The following KCNN2 variants were observed in gnomAD, a reference collection of about 807,000 sequenced individuals.
KCNN2 encodes small conductance calcium-activated potassium channel protein 2.
KCNN2 carries 24 observed loss-of-function variants against 55.5 expected under a neutral mutation model. That is an observed-to-expected ratio of 0.43 (90% CI 0.31 to 0.61). KCNN2 has a LOEUF of 0.61. Ranked by LOEUF, KCNN2 falls within the 20% of genes least tolerant of loss-of-function variation. KCNN2 has a pLI of 0.08. For missense variants in KCNN2, 754 were observed against 853.6 expected, an observed-to-expected ratio of 0.88 and a Z score of 1.45; for synonymous variants, 431 against 336.1, an observed-to-expected ratio of 1.28 and a Z score of -3.09.
At chr5:114,300,033 T>C (rs1338023436) in intron 2 of KCNN2, among the ~76,000 whole-genome samples, 1 of 152,072 alleles carries the variant, frequency 6.6e-6, no homozygotes, top group Non-Finnish European at 1.5e-5. Flanking sequence ...AATGGTGTTT[T>C]TTTTTCCACT....
intron 3 of KCNN2, among the ~76,000 whole-genome samples, chr5:114,440,649 T>C (rs1181380110): frequency 7.8e-6 from 1 of 128,792 alleles, no homozygotes; most frequent in Non-Finnish European, 1.6e-5. Flanking sequence ...CTTCTAAGGG[T>C]CATGTACCTG....
chr5:114,197,753 C>T (rs1010504962), intron 1 of KCNN2, among the ~76,000 whole-genome samples: 7 of 152,080 alleles, frequency 4.6e-5, no homozygotes, highest in Non-Finnish European at 8.8e-5. Context: ...TTCAAACGGG[C>T]TGCTGAAGGA....
chr5:114,159,991 GTC>G (rs1396545067), intron 1 of KCNN2, among the ~76,000 whole-genome samples: 2 of 152,066 alleles, frequency 1.3e-5, no homozygotes, highest in Non-Finnish European at 2.9e-5. Flanking sequence ...GGTTTTTTGT[GTC>G]TCTGTTTCCT....
chr5:114,281,171 T>G (rs1342301785), intron 2 of KCNN2, among the ~76,000 whole-genome samples: 1 of 152,186 alleles, frequency 6.6e-6, no homozygotes, highest in African/African-American at 2.4e-5. Context: ...CTTAACATTA[T>G]ATTGTATAAT....
intron 1 of KCNN2, among the ~76,000 whole-genome samples, chr5:114,188,941 G>T (rs926406195): frequency 6.6e-6 from 1 of 152,114 alleles, no homozygotes; most frequent in Non-Finnish European, 1.5e-5. Context: ...AATTTGAAAA[G>T]TTGATTCCAA....
chr5:114,445,362 G>A (rs916054821), intron 3 of KCNN2, among the ~76,000 whole-genome samples: 1 of 152,268 alleles, frequency 6.6e-6, no homozygotes, highest in South Asian at 2.1e-4. Context: ...AATTGTAGAT[G>A]TCAACATTTT....
rs548267928 is a variant in KCNN2 at position 114,475,709 on chromosome 5, G to A, written c.1890+2545G>A. ...CTTCCTGCTTGGCAGAAAAATGCAC[G>A]TGTGCTTGTGCTCATGGGTCCCCTA... is the stretch of plus-strand genomic sequence containing the variant. On this transcript the variant is annotated intron_variant, in intron 5 of 7. Coordinates refer to ENST00000673685, the MANE Select transcript of KCNN2 (RefSeq NM_021614.4). Among the ~76,000 whole-genome samples the A allele has an allele frequency of 3.3e-5, 5 of 152,088 alleles. No individual in the cohort carries two copies. The South Asian group carries it at 6.2e-4, about 19-fold the overall frequency.
At chr5:114,403,192 A>G (rs192122734) in intron 2 of KCNN2, among the ~76,000 whole-genome samples, 4 of 152,320 alleles carry the variant, frequency 2.6e-5, no homozygotes, top group African/African-American at 7.2e-5. Flanking sequence ...GGACTTTGCC[A>G]CACAGCTTTT....
Position 114,118,741 on chromosome 5 carries a change from C to G in KCNN2, c.-271+62241C>G, listed in dbSNP as rs182800859. 5.0e-3 allele frequency among the ~76,000 whole-genome samples: 757 copies of G among 152,206 alleles called. 9 individuals carry two copies. Among genetic ancestry groups the G allele is most frequent in the African/African-American group, 0.017 (724 of 41,532 alleles). Reference sequence around the variant, plus strand: ...ATCCTGTGGCCCAGTCAGGTTGACACATAAAGTTAATCATCAGACATATAC... The same window carrying G: ...ATCCTGTGGCCCAGTCAGGTTGACAGATAAAGTTAATCATCAGACATATAC... On this transcript the variant is annotated intron_variant, in intron 1 of 10. Coordinates refer to the KCNN2 transcript ENST00000512097.
chr5:114,131,985 T>C lies in KCNN2; in HGVS notation c.-271+75485T>C, dbSNP rs927969393. 4.6e-5 allele frequency among the ~76,000 whole-genome samples: 7 copies of C among 152,340 alleles called. No homozygotes were observed. In the South Asian group the frequency reaches 6.2e-4, roughly 14 times the overall value. On this transcript the variant is annotated intron_variant, in intron 1 of 10. Transcript: ENST00000512097. Reference sequence around the variant, plus strand: ...CTTTTTAATGGGGTTGTTTGTTTTTTTCTTGTAAATTTGTCTAAGTTCCTT... The same window carrying C: ...CTTTTTAATGGGGTTGTTTGTTTTTCTCTTGTAAATTTGTCTAAGTTCCTT...
At chr5:114,424,513 A>G (rs558741615) in intron 3 of KCNN2, among the ~76,000 whole-genome samples, 153 of 152,358 alleles carry the variant, frequency 1.0e-3, no homozygotes, top group Non-Finnish European at 1.6e-3. Flanking sequence ...TCAGAAACTC[A>G]GCTAGAGACA....
At chr5:114,152,911 C>G (rs1012066759) in intron 1 of KCNN2, among the ~76,000 whole-genome samples, 12 of 151,968 alleles carry the variant, frequency 7.9e-5, no homozygotes, top group African/African-American at 2.9e-4. Context: ...TAGGATGAGG[C>G]AAAAAGCATG....
At chr5:114,070,791 G>A (rs2112525164) in intron 1 of KCNN2, among the ~76,000 whole-genome samples, 1 of 152,324 alleles carries the variant, frequency 6.6e-6, no homozygotes, top group East Asian at 1.9e-4. Flanking sequence ...TTCCTAGTGT[G>A]TAAAGGTGGG....
At chr5:114,068,977 G>T (rs896188315) in intron 1 of KCNN2, among the ~76,000 whole-genome samples, 2 of 152,036 alleles carry the variant, frequency 1.3e-5, no homozygotes, top group African/African-American at 4.8e-5. Context: ...ACCACGCCTG[G>T]CTAATTTTTG....
intron 1 of KCNN2, among the ~76,000 whole-genome samples, chr5:114,170,317 G>T (rs987830308): frequency 1.3e-5 from 2 of 151,964 alleles, no homozygotes; most frequent in Non-Finnish European, 2.9e-5. Flanking sequence ...TTAAGGATTT[G>T]CTAAGAAGCT....
intron 2 of KCNN2, among the ~76,000 whole-genome samples, chr5:114,320,290 T>TA (rs1029865150): frequency 3.3e-5 from 5 of 151,642 alleles, no homozygotes; most frequent in African/African-American, 9.7e-5. Flanking sequence ...TAGTGAGGGT[T>TA]AAAAAAAAAT....
intron 1 of KCNN2, among the ~76,000 whole-genome samples, chr5:114,214,370 A>G (rs1753957825): frequency 6.6e-6 from 1 of 151,982 alleles, no homozygotes; most frequent in Admixed American, 6.6e-5. Context: ...GACTTAGATG[A>G]TGATAATTTT....
chr5:114,428,247 T>C (rs916909489), intron 3 of KCNN2, among the ~76,000 whole-genome samples: 16 of 152,216 alleles, frequency 1.1e-4, no homozygotes, highest in African/African-American at 3.9e-4. Context: ...GAAGAGTTTC[T>C]CATTAGAATA....
chr5:114,220,529 G>T (rs1754111074), intron 1 of KCNN2, among the ~76,000 whole-genome samples: 1 of 151,872 alleles, frequency 6.6e-6, no homozygotes, highest in African/African-American at 2.4e-5. Flanking sequence ...AATTCTGAAA[G>T]GGATACAGAA....
Sources: allele counts gnomAD v4.1 joint callset (sites outside exome capture counted in the v4.1 genomes callset), GRCh38; gene constraint gnomAD v4.1.1; transcripts MANE v1.5; gene names NCBI Gene and HGNC (gene_info 2026-07-23, HGNC 2026-07-21).